Variants in SIPA1L3 observed in about 807,000 individuals in gnomAD.
SIPA1L3 encodes the protein signal-induced proliferation-associated 1-like protein 3.
A neutral mutation model predicts 150.1 loss-of-function variants in SIPA1L3; 59 were observed. The ratio of observed to expected loss-of-function variants is 0.39; its 90% confidence interval spans 0.32 to 0.49. SIPA1L3 has a LOEUF of 0.49. SIPA1L3 is among the 20% of genes least tolerant of loss of function. SIPA1L3 has a pLI of 0.86. For missense variants in SIPA1L3, 2,211 were observed against 2,489.5 expected, an observed-to-expected ratio of 0.89 and a Z score of 2.38; for synonymous variants, 1,070 against 1,077.6, an observed-to-expected ratio of 0.99 and a Z score of 0.14.
At chr19:38,118,543 CT>C (rs528248381) in intron 8 of SIPA1L3, among the ~76,000 whole-genome samples, 10 of 149,594 alleles carry the variant, frequency 6.7e-5, no homozygotes, top group African/African-American at 1.5e-4. Flanking sequence ...TGCCCTAACA[CT>C]TTTTTTTTTG....
intron 15 of SIPA1L3, among the ~76,000 whole-genome samples, chr19:38,169,761 C>G (rs1972286334): frequency 6.6e-6 from 1 of 152,214 alleles, no homozygotes; most frequent in Non-Finnish European, 1.5e-5. Context: ...ACTGGGGGAG[C>G]CCCAGTCCTG....
At chr19:38,148,854 A>C (rs1163693798) in intron 12 of SIPA1L3, among the ~76,000 whole-genome samples, 22 of 152,156 alleles carry the variant, frequency 1.4e-4, no homozygotes. Flanking sequence ...TTATAAAGTG[A>C]GTTATCTTCC....
intron 1 of SIPA1L3, among the ~76,000 whole-genome samples, chr19:38,008,275 T>G (rs1352683637): frequency 7.7e-6 from 1 of 129,814 alleles, no homozygotes; most frequent in Non-Finnish European, 1.6e-5. Context: ...TCTGCCAGGC[T>G]GGAGTGCAGT....
intron 2 of SIPA1L3, among the ~76,000 whole-genome samples, chr19:38,067,341 G>A (rs765320994): frequency 2.0e-5 from 3 of 152,242 alleles, no homozygotes; most frequent in Non-Finnish European, 4.4e-5. Context: ...ACCCTGACCT[G>A]TGTGGGAGCC....
chr19:38,126,563 G>GTC (rs1555789629), intron 9 of SIPA1L3, among the ~76,000 whole-genome samples: 1 of 150,836 alleles, frequency 6.6e-6, no homozygotes, highest in Non-Finnish European at 1.5e-5. Flanking sequence ...CTTTAAGACA[G>GTC]TCTCTCTCTG....
intron 1 of SIPA1L3, among the ~76,000 whole-genome samples, chr19:38,008,945 C>T (rs888384516): frequency 1.8e-4 from 27 of 152,154 alleles, no homozygotes; most frequent in African/African-American, 5.3e-4. Context: ...CACTGAGGAG[C>T]ATGCCTGCAC....
intron 2 of SIPA1L3, among the ~76,000 whole-genome samples, chr19:38,035,910 G>A (rs1781217329): frequency 6.6e-6 from 1 of 152,224 alleles, no homozygotes; most frequent in Admixed American, 6.5e-5. Context: ...CACCAGACAT[G>A]TGAGGGGTCG....
At chr19:38,005,238 C>T (rs1333356967) in intron 1 of SIPA1L3, among the ~76,000 whole-genome samples, 1 of 152,140 alleles carries the variant, frequency 6.6e-6, no homozygotes, top group Non-Finnish European at 1.5e-5. Context: ...TTGGGCCACA[C>T]TTCTTGACTG....
At chr19:38,028,833 C>T in intron 1 of SIPA1L3, among the ~76,000 whole-genome samples, 1 of 151,942 alleles carries the variant, frequency 6.6e-6, no homozygotes. Flanking sequence ...CCTGGCATGA[C>T]AGGCGCCCAC....
At position 37,947,349 on chromosome 19, in the gene SIPA1L3, T is replaced by C. The variant is rs555405188; in HGVS notation, c.-379+39991T>C. 1.6e-3 allele frequency among the ~76,000 whole-genome samples: 250 copies of C among 151,874 alleles called. 1 individual carries two copies. In the East Asian group the frequency reaches 0.02, roughly 12 times the overall value. ...CTAAAAATACAAAAAATTAGCTGGGTGTGGTGGCAGGCACCTGTAGTCCCA... is the reference window on the plus strand; with the variant it reads ...CTAAAAATACAAAAAATTAGCTGGGCGTGGTGGCAGGCACCTGTAGTCCCA... On this transcript the variant is annotated intron_variant, in intron 1 of 21. Coordinates refer to ENST00000222345, the MANE Select transcript of SIPA1L3 (RefSeq NM_015073.3).
rs185570388 is a variant in SIPA1L3 at position 38,122,928 on chromosome 19, G to A, written c.2868+3046G>A. 3.6e-3 allele frequency among the ~76,000 whole-genome samples: 541 copies of A among 152,244 alleles called. 3 individuals carry two copies. Among genetic ancestry groups the A allele is most frequent in the Non-Finnish European group, 6.6e-3 (452 of 68,018 alleles). On this transcript the variant is annotated intron_variant, in intron 9 of 21. Coordinates refer to ENST00000222345, the MANE Select transcript of SIPA1L3 (RefSeq NM_015073.3). ...CCCCTGGCTTGGAGCACATTCACGC[G>A]CTTTGCCTGCTTAACCACCATCTGC...
At chr19:38,115,700 A>G (rs1002086194) in intron 8 of SIPA1L3, among the ~76,000 whole-genome samples, 1 of 152,170 alleles carries the variant, frequency 6.6e-6, no homozygotes, top group Non-Finnish European at 1.5e-5. Flanking sequence ...GGTTCCACTC[A>G]GCCCTTAGAT....
At chr19:37,935,580 T>TG (rs992715167) in intron 1 of SIPA1L3, among the ~76,000 whole-genome samples, 1 of 152,260 alleles carries the variant, frequency 6.6e-6, no homozygotes, top group Admixed American at 6.5e-5. Context: ...TGGTCTTGCT[T>TG]GGGGTCTGTT....
chr19:38,046,948 G>T lies in SIPA1L3; in HGVS notation c.-311+17792G>T, dbSNP rs62121392. 0.15 allele frequency among the ~76,000 whole-genome samples: 23,347 copies of T among 152,174 alleles called. 1,878 individuals carry two copies. The highest frequency in any genetic ancestry group is 0.27 in the South Asian group (1,317 of 4,824). The stretch of plus-strand genomic sequence containing the variant: ...GCCTAACAGCACCACCTGGGTGGTT[G>T]AGTGGCTCTTCCAGAGACCCTTAAG... On this transcript the variant is annotated intron_variant, in intron 2 of 21. Transcript: ENST00000222345. This position sits in a 1 kb window ranked among gnomAD's most constrained non-coding sequence, Gnocchi z 5.6.
At chr19:37,920,221 G>A (rs988658131) in intron 1 of SIPA1L3, among the ~76,000 whole-genome samples, 1 of 151,924 alleles carries the variant, frequency 6.6e-6, no homozygotes, top group East Asian at 1.9e-4. Flanking sequence ...ACCATGCCCA[G>A]CTAATTTTTA....
intron 2 of SIPA1L3, among the ~76,000 whole-genome samples, chr19:38,080,264 A>G (rs1244751020): frequency 6.6e-6 from 1 of 152,206 alleles, no homozygotes; most frequent in African/African-American, 2.4e-5. Context: ...TGAGCAAACA[A>G]CAGAGCAGGT....
At chr19:37,972,508 G>A (rs1003309098) in intron 1 of SIPA1L3, among the ~76,000 whole-genome samples, 1 of 152,060 alleles carries the variant, frequency 6.6e-6, no homozygotes, top group African/African-American at 2.4e-5. Flanking sequence ...TTTGAGACCA[G>A]CTTGGGCAGC....
At chr19:37,932,789 CT>C (rs1011945216) in intron 1 of SIPA1L3, 4 of 152,220 alleles carry the variant, frequency 2.6e-5, no homozygotes, top group Non-Finnish European at 4.4e-5. Context: ...TTTGTTTTCT[CT>C]TTTTTTCCCC....
Position 38,119,395 on chromosome 19 carries a change from A to C in SIPA1L3, c.2381A>C (p.Asp794Ala). ...TTFRKSDVFRDFLLAKVINAE... is the reference protein window; with the variant it reads ...TTFRKSDVFRAFLLAKVINAE... ...TTCCGCAAATCCGACGTCTTCAGAGACTTCTTGCTGGCCAAGGTGATTAAC... is the reference window on the plus strand; with the variant it reads ...TTCCGCAAATCCGACGTCTTCAGAGCCTTCTTGCTGGCCAAGGTGATTAAC... Residue 794 changes from aspartate (D) to alanine (A), a missense_variant, in exon 9 of 22, where the codon GAC becomes GCC. Transcript: ENST00000222345. The C allele has an allele frequency of 6.2e-7, 1 of 1,614,080 alleles. No individual in the cohort carries two copies. The highest frequency in any genetic ancestry group is 8.5e-7 in the Non-Finnish European group (1 of 1,180,010).
Sources: allele counts gnomAD v4.1 joint callset (sites outside exome capture counted in the v4.1 genomes callset), GRCh38; gene constraint gnomAD v4.1.1; non-coding constraint Gnocchi (gnomAD v3.1); transcripts MANE v1.5; gene names NCBI Gene and HGNC (gene_info 2026-07-23, HGNC 2026-07-21).